FOCAD: variants seen among roughly 807,000 people sequenced by gnomAD.
The protein encoded by FOCAD is KIAA1797.
Under a neutral mutation model 225.6 loss-of-function variants are expected in FOCAD, and 198 were observed. That is an observed-to-expected ratio of 0.88 (90% CI 0.78 to 0.99). FOCAD has a LOEUF of 0.99. Ranked by LOEUF, FOCAD falls within the 50% of genes least tolerant of loss-of-function variation. The probability of loss-of-function intolerance (pLI) is 0.00; values close to 1 mark genes in which losing one functional copy is unlikely to be tolerated. For synonymous variants in FOCAD, 897 were observed against 755.0 expected (o/e 1.19, Z -3.08); for missense variants, 2,713 against 2,123.6 (o/e 1.28, Z -5.46).
At chr9:20,956,381 G>T (rs190649044) in intron 35 of FOCAD, among the ~76,000 whole-genome samples, 36 of 152,168 alleles carry the variant, frequency 2.4e-4, no homozygotes, top group Non-Finnish European at 4.3e-4. Flanking sequence ...TCAGAAGTCA[G>T]TATATCTGTA....
chr9:20,915,110 G>A (rs1187188814), intron 23 of FOCAD, among the ~76,000 whole-genome samples: 1 of 152,142 alleles, frequency 6.6e-6, no homozygotes, highest in Admixed American at 6.5e-5. Flanking sequence ...TTTGGACTTA[G>A]GCCTGAGATG....
At chr9:20,714,604 T>TTGCCTGCC (rs199729075) in intron 1 of FOCAD, among the ~76,000 whole-genome samples, 986 of 59,312 alleles carry the variant, frequency 0.017, 70 homozygotes, top group East Asian at 0.072. Context: ...TTTTGCATGC[T>TTGCCTGCC]TGCCTGCCTG....
chr9:20,991,172 G>A (rs1256349331), intron 42 of FOCAD, among the ~76,000 whole-genome samples: 1 of 152,126 alleles, frequency 6.6e-6, no homozygotes, highest in African/African-American at 2.4e-5. Flanking sequence ...GGTTTTTAAT[G>A]TTGAGGTTCC....
chr9:20,979,292 A>G (rs1840478372), intron 37 of FOCAD, among the ~76,000 whole-genome samples: 1 of 152,110 alleles, frequency 6.6e-6, no homozygotes, highest in South Asian at 2.1e-4. Context: ...CCCTCTTATC[A>G]TTTCCTCAGT....
chr9:20,908,751 C>G (rs2891152), intron 22 of FOCAD, among the ~76,000 whole-genome samples: 43,283 of 151,960 alleles, frequency 0.28, 6,398 homozygotes, highest in Middle Eastern at 0.35. Context: ...AGTTTTTAGT[C>G]AGGAAACATA....
At chr9:20,674,969 T>G (rs946426697) in intron 2 of FOCAD, among the ~76,000 whole-genome samples, 1 of 152,172 alleles carries the variant, frequency 6.6e-6, no homozygotes, top group Non-Finnish European at 1.5e-5. Flanking sequence ...GAACTATACC[T>G]ATGGAAGCAG....
intron 19 of FOCAD, 115 bp from the exon 20 acceptor site, chr9:20,881,756 T>G: frequency 9.9e-7 from 1 of 1,005,662 alleles, no homozygotes; most frequent in Non-Finnish European, 1.5e-6. Context: ...CTTTTTACCA[T>G]GTAAGGTTTG....
chr9:20,816,846 A>G (rs573214754), intron 11 of FOCAD, among the ~76,000 whole-genome samples: 1 of 152,306 alleles, frequency 6.6e-6, no homozygotes, highest in East Asian at 1.9e-4. Flanking sequence ...AATATAGTAC[A>G]ACAACTATTT....
At chr9:20,743,135 C>G (rs1396434554) in intron 5 of FOCAD, among the ~76,000 whole-genome samples, 1 of 152,180 alleles carries the variant, frequency 6.6e-6, no homozygotes. Flanking sequence ...TTAGAGCCTT[C>G]TTTGCCACAT....
intron 15 of FOCAD, among the ~76,000 whole-genome samples, chr9:20,839,514 G>C (rs532891476): frequency 3.9e-5 from 6 of 152,054 alleles, no homozygotes; most frequent in African/African-American, 1.4e-4. Context: ...GCCCGCTTAG[G>C]CCTCTCAAAG....
chr9:20,993,214 G>T (rs779768914), intron 42 of FOCAD, 39 bp from the exon 43 acceptor site: 3 of 1,519,060 alleles, frequency 2.0e-6, no homozygotes, highest in South Asian at 2.2e-5. Context: ...CTGATGGTAG[G>T]ATTCTCTTCT....
chr9:20,777,321 T>C (rs1234385965), intron 8 of FOCAD, among the ~76,000 whole-genome samples: 2 of 150,432 alleles, frequency 1.3e-5, no homozygotes, highest in African/African-American at 4.9e-5. Flanking sequence ...TTTTTTTTTT[T>C]TTTGACTGTC....
At chr9:20,825,146 CGTGTGTGTGTGTGT>C (rs10562859) in intron 15 of FOCAD, among the ~76,000 whole-genome samples, 10 of 138,990 alleles carry the variant, frequency 7.2e-5, no homozygotes, top group South Asian at 2.4e-4. Flanking sequence ...TCAAGCTTTG[CGTGTGTGTGTGTGT>C]GTGTGTGTGT....
intron 11 of FOCAD, among the ~76,000 whole-genome samples, chr9:20,799,966 G>A (rs1821609654): frequency 6.6e-6 from 1 of 152,160 alleles, no homozygotes; most frequent in South Asian, 2.1e-4. Flanking sequence ...AATTTGGCAT[G>A]TTTTTGCAGT....
At chr9:20,858,941 G>A (rs188449732) in intron 15 of FOCAD, among the ~76,000 whole-genome samples, 2 of 152,192 alleles carry the variant, frequency 1.3e-5, no homozygotes. Flanking sequence ...TTGTGGTCAG[G>A]AAAGATACTT....
chr9:20,661,020 CAG>C (rs1821702357), intron 2 of FOCAD, among the ~76,000 whole-genome samples: 2 of 152,008 alleles, frequency 1.3e-5, no homozygotes, highest in East Asian at 1.9e-4. Context: ...AGGTTTAAGA[CAG>C]AGAGGAATAA....
At chr9:20,820,633 T>G (rs1275961145) in intron 13 of FOCAD, among the ~76,000 whole-genome samples, 1 of 152,190 alleles carries the variant, frequency 6.6e-6, no homozygotes, top group Non-Finnish European at 1.5e-5. Flanking sequence ...TCTCATTTCT[T>G]TATTTCTGAA....
intron 11 of FOCAD, among the ~76,000 whole-genome samples, chr9:20,800,023 G>T (rs927024542): frequency 6.6e-6 from 1 of 152,096 alleles, no homozygotes; most frequent in Non-Finnish European, 1.5e-5. Flanking sequence ...TCCTTTAGGA[G>T]GCCTTTTAGG....
chr9:20,681,124 T>C (rs987982387), upstream of FOCAD, among the ~76,000 whole-genome samples: 26 of 152,252 alleles, frequency 1.7e-4, no homozygotes, highest in Admixed American at 1.7e-3. Flanking sequence ...TTAGTTCCCT[T>C]CTGTGTAATT....
Sources: gnomAD v4.1 joint callset for allele counts (sites outside exome capture counted in the v4.1 genomes callset) on GRCh38, gnomAD v4.1.1 for gene constraint, MANE v1.5 for transcripts, NCBI Gene and HGNC (gene_info 2026-07-23, HGNC 2026-07-21) for gene names.